UBA6: variants seen among roughly 807,000 people sequenced by gnomAD.
UBA6 encodes the protein ubiquitin-like modifier-activating enzyme 6.
In UBA6, 87 loss-of-function variants were observed where a neutral mutation model predicts 148.3. That is an observed-to-expected ratio of 0.59 (90% confidence interval 0.49 to 0.70). UBA6 has a LOEUF of 0.70. Among genes scored for constraint, UBA6 ranks in the 30% least tolerant of loss-of-function variants. UBA6 has a pLI of 0.00. For missense variants in UBA6, 1,186 were observed against 1,241.2 expected, an observed-to-expected ratio of 0.96 and a Z score of 0.67; for synonymous variants, 376 against 401.0, an observed-to-expected ratio of 0.94 and a Z score of 0.75.
intron 17 of UBA6, among the ~76,000 whole-genome samples, chr4:67,644,438 GGT>G (rs1259179013): frequency 6.6e-6 from 1 of 152,038 alleles, no homozygotes; most frequent in African/African-American, 2.4e-5. Context: ...TTATGAGATA[GGT>G]AGTACAAATG....
intron 5 of UBA6, 56 bp from the exon 6 acceptor site, chr4:67,677,778 T>TC (rs1454877170): frequency 4.3e-6 from 4 of 920,286 alleles, no homozygotes; most frequent in Non-Finnish European, 6.6e-6. Flanking sequence ...TCAAATCTCT[T>TC]CAAGTTGGAC....
intron 3 of UBA6, 27 bp downstream of exon 3, chr4:67,682,092 A>T (rs1577835891): frequency 4.0e-6 from 5 of 1,256,298 alleles, no homozygotes; most frequent in Non-Finnish European, 5.6e-6. Flanking sequence ...AAAAGTGTCA[A>T]AAATTAGGAA....
intron 9 of UBA6, among the ~76,000 whole-genome samples, chr4:67,665,655 C>A (rs1330888347): frequency 1.3e-5 from 2 of 151,506 alleles, no homozygotes; most frequent in East Asian, 3.9e-4. Context: ...AATAAACAGA[C>A]AACTGGAAAA....
At chr4:67,661,691 G>A (rs947596569) in intron 13 of UBA6, 2 of 156,430 alleles carry the variant, frequency 1.3e-5, no homozygotes, top group African/African-American at 4.8e-5. Context: ...GTTTATAGCT[G>A]CTCAAATAAA....
intron 2 of UBA6, among the ~76,000 whole-genome samples, chr4:67,691,104 A>G (rs1730683737): frequency 6.6e-6 from 1 of 152,140 alleles, no homozygotes; most frequent in African/African-American, 2.4e-5. Context: ...TTTTCAATAA[A>G]TATACTGAAA....
In UBA6 at chr4:67,612,743, T is replaced by C. The variant is rs1473306045; in HGVS notation, c.*6254A>G. The C allele has an allele frequency of 6.6e-6, 1 of 152,176 alleles. No individual in the cohort carries two copies. Among genetic ancestry groups the C allele is most frequent in the Admixed American group, 6.5e-5 (1 of 15,270 alleles). 9.4% of individuals were successfully genotyped at this position (152,176 alleles called of 1,614,324 possible). Reference sequence around the variant, plus strand: ...TTTACACATAATCAACAGGAAATAATGTGGGCTAAGTAATTTGGATTAACA... The same window carrying C: ...TTTACACATAATCAACAGGAAATAACGTGGGCTAAGTAATTTGGATTAACA... On this transcript the variant is annotated 3_prime_UTR_variant, in exon 33 of 33. Coordinates refer to ENST00000322244, the MANE Select transcript of UBA6 (RefSeq NM_018227.6).
intron 14 of UBA6, among the ~76,000 whole-genome samples, 172 bp downstream of exon 14, chr4:67,648,896 T>C (rs1729486267): frequency 6.6e-6 from 1 of 152,194 alleles, no homozygotes; most frequent in Admixed American, 6.5e-5. Flanking sequence ...TAAAATATCA[T>C]CCTGTTAATT....
chr4:67,684,358 A>G (rs1730509649), intron 2 of UBA6, among the ~76,000 whole-genome samples: 1 of 152,228 alleles, frequency 6.6e-6, no homozygotes, highest in Non-Finnish European at 1.5e-5. Context: ...CTACTAATGT[A>G]AAATGTAACA....
At chr4:67,633,742 T>C (rs1729056298) in intron 22 of UBA6, among the ~76,000 whole-genome samples, 1 of 152,176 alleles carries the variant, frequency 6.6e-6, no homozygotes. Flanking sequence ...TGTAAGTTAT[T>C]AGTACTATAA....
At chr4:67,685,075 T>A (rs531079755) in intron 2 of UBA6, among the ~76,000 whole-genome samples, 19 of 152,202 alleles carry the variant, frequency 1.2e-4, no homozygotes, top group African/African-American at 4.6e-4. Context: ...TTCCTCAAGG[T>A]TTATGAGAGA....
Position 67,618,786 on chromosome 4 carries a change from A to G in UBA6, c.*211T>C. On this transcript the variant is annotated 3_prime_UTR_variant, in exon 33 of 33. Coordinates refer to ENST00000322244, the MANE Select transcript of UBA6 (RefSeq NM_018227.6). ...TTCCAGTTCAAAGTTGCTTGTGATCATAGCCACGTGTGAACCGTTAGACAA... is the reference window on the plus strand; with the variant it reads ...TTCCAGTTCAAAGTTGCTTGTGATCGTAGCCACGTGTGAACCGTTAGACAA... 2.3e-6 allele frequency: 1 copy of G among 432,132 alleles called. No homozygotes were observed. The highest frequency in any genetic ancestry group is 4.0e-6 in the Non-Finnish European group (1 of 247,472). The allele number at this position is 432,132 out of a possible 1,614,324, so 26.8% of individuals were successfully genotyped here.
At chr4:67,677,573 AC>A (rs1415794606) in intron 6 of UBA6, 37 bp downstream of exon 6, 2 of 1,093,368 alleles carry the variant, frequency 1.8e-6, no homozygotes, top group Admixed American at 2.2e-5. Context: ...TTGCCCTGGA[AC>A]CTGTCAATAA....
At chr4:67,651,449 T>G (rs1438441688) in intron 13 of UBA6, among the ~76,000 whole-genome samples, 1 of 152,096 alleles carries the variant, frequency 6.6e-6, no homozygotes, top group Non-Finnish European at 1.5e-5. Flanking sequence ...ATTAAACACA[T>G]AGGGCCTTAA....
In UBA6 at chr4:67,625,036, A is replaced by G; in HGVS notation, c.2670T>C (p.Ile890=). Residue 890 remains isoleucine (I), a synonymous_variant, in exon 29 of 33, where the codon ATT becomes ATC. Transcript: ENST00000322244. ...RFKTKRIAGK[I]IPAIATTTAT... ...CAGTGGTTGTTGCTATAGCAGGTAT[A>G]ATTTTACCAGCTATGCGCTTTGTTT... 1.2e-6 allele frequency: 2 copies of G among 1,611,584 alleles called. No individual in the cohort carries two copies. The highest frequency in any genetic ancestry group is 1.7e-6 in the Non-Finnish European group (2 of 1,178,252).
At chr4:67,654,847 C>A (rs1729645884) in intron 13 of UBA6, among the ~76,000 whole-genome samples, 1 of 130,704 alleles carries the variant, frequency 7.7e-6, no homozygotes, top group Non-Finnish European at 1.6e-5. Flanking sequence ...GGAAGATCTA[C>A]CAAGCAAATG....
At chr4:67,626,531 G>T in intron 27 of UBA6, 54 bp from the exon 28 acceptor site, 2 of 1,115,124 alleles carry the variant, frequency 1.8e-6, no homozygotes, top group African/African-American at 1.6e-5. Context: ...GCATCTGTTT[G>T]GTTACCATTT....
At chr4:67,685,599 C>T (rs180679103) in intron 2 of UBA6, among the ~76,000 whole-genome samples, 6 of 152,196 alleles carry the variant, frequency 3.9e-5, no homozygotes, top group South Asian at 2.1e-4. Flanking sequence ...ATGTGTTTCC[C>T]GGAGTTTGTG....
intron 32 of UBA6, 83 bp downstream of exon 32, chr4:67,622,748 T>C: frequency 1.1e-6 from 1 of 945,618 alleles, no homozygotes; most frequent in East Asian, 2.5e-5. Context: ...TGAATTATAG[T>C]AACCTCTATA....
intron 7 of UBA6, among the ~76,000 whole-genome samples, chr4:67,670,970 A>G (rs1730134582): frequency 6.6e-6 from 1 of 152,204 alleles, no homozygotes; most frequent in African/African-American, 2.4e-5. Context: ...TTTAGGAAAG[A>G]GGAATGAAGT....
Sources: allele counts gnomAD v4.1 joint callset (sites outside exome capture counted in the v4.1 genomes callset), GRCh38; gene constraint gnomAD v4.1.1; transcripts MANE v1.5; gene names NCBI Gene and HGNC (gene_info 2026-07-23, HGNC 2026-07-21).